Variants in CAMKMT observed in about 807,000 individuals in gnomAD.
The protein encoded by CAMKMT is CaM KMT.
Under a neutral mutation model 48.0 loss-of-function variants are expected in CAMKMT, and 53 were observed. The observed-to-expected ratio is 1.10, with a 90% CI of 0.89 to 1.39. The LOEUF (loss-of-function observed/expected upper bound fraction) is 1.39, where lower values mean the gene tolerates loss of function less well. Among genes scored for constraint, CAMKMT ranks in the 40% most tolerant of loss-of-function variants. CAMKMT has a pLI of 0.00. For synonymous variants in CAMKMT, 165 were observed against 152.3 expected (o/e 1.08, Z -0.61); for missense variants, 428 against 402.7 (o/e 1.06, Z -0.54).
chr2:44,673,682 A>G lies in CAMKMT; in HGVS notation c.377-30601A>G, dbSNP rs140046859. Among the ~76,000 whole-genome samples, 256 of 152,270 alleles carry G rather than the reference A, an allele frequency of 1.7e-3. 2 individuals are homozygous for G. Among genetic ancestry groups the G allele is most frequent in the Non-Finnish European group, 2.8e-3 (191 of 68,024 alleles). ...AACCTAGAAACATGGGAAAATGACA[A>G]ATAAAGGAGCCAAGCAAAATAAGCG... On this transcript the variant is annotated intron_variant, in intron 3 of 10. Transcript: ENST00000378494.
intron 3 of CAMKMT, among the ~76,000 whole-genome samples, chr2:44,435,681 C>CTT (rs1259359227): frequency 6.6e-6 from 1 of 152,174 alleles, no homozygotes; most frequent in Non-Finnish European, 1.5e-5. Flanking sequence ...TTTGGTATGT[C>CTT]TTTAGCTTTT....
chr2:44,771,819 AC>A (rs1681126826), intron 10 of CAMKMT, among the ~76,000 whole-genome samples: 1 of 152,112 alleles, frequency 6.6e-6, no homozygotes, highest in Admixed American at 6.6e-5. Flanking sequence ...TATGAAAAAA[AC>A]CCTACCCACC....
chr2:44,527,792 C>CCT (rs1429007756), intron 3 of CAMKMT, among the ~76,000 whole-genome samples: 1 of 134,534 alleles, frequency 7.4e-6, no homozygotes, highest in Non-Finnish European at 1.6e-5. Flanking sequence ...ACAGCCCCCC[C>CCT]CCCCATTATC....
At chr2:44,485,056 T>G (rs1372948363) in intron 3 of CAMKMT, among the ~76,000 whole-genome samples, 2 of 152,190 alleles carry the variant, frequency 1.3e-5, no homozygotes, top group African/African-American at 4.8e-5. Context: ...AAACTAAGAC[T>G]GGCAAAACCA....
rs116758672 is a variant in CAMKMT at position 44,689,677 on chromosome 2, G to T, written c.377-14606G>T. 3.7e-3 allele frequency among the ~76,000 whole-genome samples: 559 copies of T among 152,226 alleles called. 3 individuals carry two copies. Among genetic ancestry groups the T allele is most frequent in the African/African-American group, 0.013 (520 of 41,542 alleles). Reference sequence around the variant, plus strand: ...TTTCCCTCCTGCTAGGAACTCTGTGGTCTGATTTTCTGGGTCCACCTGTCC... The same window carrying T: ...TTTCCCTCCTGCTAGGAACTCTGTGTTCTGATTTTCTGGGTCCACCTGTCC... On this transcript the variant is annotated intron_variant, in intron 3 of 10. Coordinates refer to ENST00000378494, the MANE Select transcript of CAMKMT (RefSeq NM_024766.5).
At chr2:44,725,133 G>A (rs1440698467) in intron 7 of CAMKMT, among the ~76,000 whole-genome samples, 1 of 130,688 alleles carries the variant, frequency 7.7e-6, no homozygotes, top group East Asian at 2.2e-4. Flanking sequence ...GCATTGTCTT[G>A]CTTTCTGGAC....
At chr2:44,587,464 C>G (rs1299330942) in intron 3 of CAMKMT, among the ~76,000 whole-genome samples, 2 of 144,750 alleles carry the variant, frequency 1.4e-5, no homozygotes, top group Non-Finnish European at 3.0e-5. Context: ...CCCCCTGTCC[C>G]TCTCCCTCTC....
chr2:44,772,284 C>G lies in CAMKMT; in HGVS notation c.*171C>G. 1.8e-6 allele frequency: 1 copy of G among 567,020 alleles called. No individual in the cohort carries two copies. The highest frequency in any genetic ancestry group is 3.1e-6 in the Non-Finnish European group (1 of 320,760). The allele number at this position is 567,020 out of a possible 1,614,324, so 35.1% of individuals were successfully genotyped here. ...CCACGTTATTCCCCAGCTGCCCTCT[C>G]CAGCTCCCTCCCCGCCTCTTTTTAC... is the stretch of plus-strand genomic sequence containing the variant. On this transcript the variant is annotated 3_prime_UTR_variant, in exon 11 of 11. Coordinates refer to ENST00000378494, the MANE Select transcript of CAMKMT (RefSeq NM_024766.5).
chr2:44,575,490 C>T lies in CAMKMT; in HGVS notation c.377-128793C>T, dbSNP rs185041674. Among the ~76,000 whole-genome samples the T allele has an allele frequency of 2.5e-3, 377 of 152,244 alleles. 3 individuals carry two copies. The highest frequency in any genetic ancestry group is 8.7e-3 in the African/African-American group (360 of 41,552). On this transcript the variant is annotated intron_variant, in intron 3 of 10. Coordinates refer to ENST00000378494, the MANE Select transcript of CAMKMT (RefSeq NM_024766.5). Reference sequence around the variant, plus strand: ...TTATAAATATTCCTAAGATTTTTATCGCTATTCTTTTTTTCTGTATGGCTT... The same window carrying T: ...TTATAAATATTCCTAAGATTTTTATTGCTATTCTTTTTTTCTGTATGGCTT...
At chr2:44,410,877 T>G (rs1304945618) in intron 3 of CAMKMT, among the ~76,000 whole-genome samples, 1 of 152,132 alleles carries the variant, frequency 6.6e-6, no homozygotes, top group African/African-American at 2.4e-5. Context: ...CATCTAAAAA[T>G]GAAGCAATTA....
chr2:44,702,338 G>A (rs1677302711), intron 3 of CAMKMT, among the ~76,000 whole-genome samples: 2 of 152,120 alleles, frequency 1.3e-5, no homozygotes, highest in African/African-American at 2.4e-5. Context: ...TGGTTATTGG[G>A]ATACGAATTT....
chr2:44,398,700 T>G (rs1432378401), intron 3 of CAMKMT, among the ~76,000 whole-genome samples: 2 of 151,122 alleles, frequency 1.3e-5, no homozygotes, highest in Non-Finnish European at 2.9e-5. Flanking sequence ...AGTGCTTACA[T>G]AAACGTAAAT....
intron 3 of CAMKMT, among the ~76,000 whole-genome samples, chr2:44,532,867 C>T (rs1322868685): frequency 6.6e-6 from 1 of 150,832 alleles, no homozygotes. Flanking sequence ...GGCTGGAGTA[C>T]AGTGGTGTGA....
At chr2:44,456,075 T>G (rs956405345) in intron 3 of CAMKMT, among the ~76,000 whole-genome samples, 3 of 152,204 alleles carry the variant, frequency 2.0e-5, no homozygotes, top group East Asian at 3.9e-4. Context: ...ACCAGTCTTG[T>G]AACCTAAATG....
Position 44,754,075 on chromosome 2 carries a change from G to C in CAMKMT, c.719G>C (p.Arg240Thr). 3 of 1,614,010 alleles carry C rather than the reference G, an allele frequency of 1.9e-6. No individual in the cohort carries two copies. Among genetic ancestry groups the C allele is most frequent in the Non-Finnish European group, 2.5e-6 (3 of 1,179,938 alleles). ...GTCAGCCTGTTTCTGGACCAGTACAGAGCCAGCCTTGTTGATGCAATAAAG... is the reference window on the plus strand; with the variant it reads ...GTCAGCCTGTTTCTGGACCAGTACACAGCCAGCCTTGTTGATGCAATAAAG... ...CADCLFLDQYRASLVDAIKRL... is the reference protein window; with the variant it reads ...CADCLFLDQYTASLVDAIKRL... The change falls in exon 9 of 11, where the codon AGA becomes ACA. Residue 240 changes from arginine (R) to threonine (T), a missense_variant. Physicochemically the swap from Arg to Thr is moderately conservative, Grantham distance 71. Transcript: ENST00000378494.
At chr2:44,765,762 T>G (rs1372991705) in intron 9 of CAMKMT, among the ~76,000 whole-genome samples, 1 of 152,214 alleles carries the variant, frequency 6.6e-6, no homozygotes, top group Non-Finnish European at 1.5e-5. Flanking sequence ...ATTATACCAC[T>G]TTCTTTGAAA....
At chr2:44,727,842 T>G (rs1558821547) in intron 7 of CAMKMT, among the ~76,000 whole-genome samples, 1 of 152,238 alleles carries the variant, frequency 6.6e-6, no homozygotes, top group African/African-American at 2.4e-5. Context: ...TATCAGAAAC[T>G]TTTTCTGCAT....
intron 3 of CAMKMT, among the ~76,000 whole-genome samples, chr2:44,445,622 T>A (rs1666934971): frequency 6.8e-6 from 1 of 146,838 alleles, no homozygotes; most frequent in African/African-American, 2.5e-5. Flanking sequence ...TCAGGGGAAG[T>A]CCAACATGTC....
intron 7 of CAMKMT, among the ~76,000 whole-genome samples, chr2:44,735,514 TG>T (rs1679307101): frequency 6.6e-6 from 1 of 152,200 alleles, no homozygotes; most frequent in Non-Finnish European, 1.5e-5. Flanking sequence ...TGTAACTCTT[TG>T]TTTTTTATTT....
Sources: allele counts gnomAD v4.1 joint callset (sites outside exome capture counted in the v4.1 genomes callset), GRCh38; gene constraint gnomAD v4.1.1; transcripts MANE v1.5; gene names NCBI Gene and HGNC (gene_info 2026-07-23, HGNC 2026-07-21).